Variants in CYP11A1 observed in about 807,000 individuals in gnomAD.
CYP11A1 encodes the protein cytochrome P450 family 11 subfamily A member 1, also known as cholesterol side-chain cleavage enzyme, mitochondrial.
In CYP11A1, 25 loss-of-function variants were observed where a neutral mutation model predicts 51.9. That is an observed-to-expected ratio of 0.48 (90% confidence interval 0.35 to 0.67). The LOEUF (loss-of-function observed/expected upper bound fraction) is 0.67, where lower values mean the gene tolerates loss of function less well. CYP11A1 is among the 30% of genes least tolerant of loss of function. The pLI is 0.00. For synonymous variants in CYP11A1, 245 were observed against 262.1 expected, an observed-to-expected ratio of 0.93 and a Z score of 0.63; for missense variants, 578 against 680.9, an observed-to-expected ratio of 0.85 and a Z score of 1.68.
chr15:74,357,733 C>G (rs2060687198), intron 1 of CYP11A1, among the ~76,000 whole-genome samples: 1 of 152,214 alleles, frequency 6.6e-6, no homozygotes, highest in Non-Finnish European at 1.5e-5. Context: ...GGCAGCCTTT[C>G]TATCCAAACA....
chr15:74,338,909 T>C (rs555167028), intron 7 of CYP11A1, 141 bp from the exon 8 acceptor site: 5 of 808,234 alleles, frequency 6.2e-6, no homozygotes, highest in Non-Finnish European at 1.0e-5. Flanking sequence ...GGCAGGACAT[T>C]CTGCCCACTG....
At chr15:74,358,672 G>A (rs1443218793) in intron 1 of CYP11A1, among the ~76,000 whole-genome samples, 1 of 152,214 alleles carries the variant, frequency 6.6e-6, no homozygotes, top group Non-Finnish European at 1.5e-5. Flanking sequence ...ACGTTCACCG[G>A]TTGGGTAGAG....
At position 74,363,835 on chromosome 15, in the gene CYP11A1, C is replaced by T. The variant is rs2060719552; in HGVS notation, c.269+3482G>A. On this transcript the variant is annotated intron_variant, in intron 1 of 8. Transcript: ENST00000268053. ...CCCTAGGTTTTGGTCACACTCTCACCTAAGTGAAAACCTGATCAAAAAGGG... is the reference window on the plus strand; with the variant it reads ...CCCTAGGTTTTGGTCACACTCTCACTTAAGTGAAAACCTGATCAAAAAGGG... 2.0e-5 allele frequency: 3 copies of T among 152,144 alleles called. No homozygotes were observed. The South Asian group carries it at 6.2e-4, about 32-fold the overall frequency. 9.4% of individuals were successfully genotyped at this position (152,144 alleles called of 1,614,324 possible).
chr15:74,365,666 GGAA>G, intron 1 of CYP11A1: 1 of 985,270 alleles, frequency 1.0e-6, no homozygotes, highest in Non-Finnish European at 1.2e-6. Context: ...TCCCAGGCCT[GGAA>G]GAAGATCAGA....
chr15:74,344,883 T>C (rs1270977433), intron 3 of CYP11A1, 161 bp downstream of exon 3: 19 of 749,670 alleles, frequency 2.5e-5, no homozygotes, highest in Non-Finnish European at 4.4e-5. Context: ...TGGTCTTAAA[T>C]TGCCTCTGAG....
intron 1 of CYP11A1, among the ~76,000 whole-genome samples, chr15:74,366,454 TTTTTA>T (rs1318375890): frequency 2.0e-4 from 23 of 114,598 alleles, no homozygotes; most frequent in Admixed American, 1.7e-3. Flanking sequence ...CGGCTAATTT[TTTTTA>T]TTTTATTTAT....
chr15:74,345,289 G>A lies in CYP11A1; in HGVS notation c.426-46C>T. ...AAGCCCTCATGGTCACAGACCCCAG[G>A]CCTGGTGAACACAGAGGGGGCTGAC... On this transcript the variant is annotated intron_variant, in intron 2 of 8. Transcript: ENST00000268053. This position sits in a 1 kb window ranked among gnomAD's most constrained non-coding sequence, Gnocchi z 4.3. 1 of 1,607,248 alleles carries A rather than the reference G, an allele frequency of 6.2e-7. No individual in the cohort carries two copies. Among genetic ancestry groups the A allele is most frequent in the Non-Finnish European group, 8.5e-7 (1 of 1,173,956 alleles).
At chr15:74,342,885 G>T in intron 5 of CYP11A1, 92 bp downstream of exon 5, 2 of 1,369,862 alleles carry the variant, frequency 1.5e-6, no homozygotes, top group South Asian at 1.2e-5. Flanking sequence ...GGAACGCCTT[G>T]AACAACAGGG....
chr15:74,352,515 T>C (rs2060660843), intron 1 of CYP11A1, among the ~76,000 whole-genome samples: 1 of 152,168 alleles, frequency 6.6e-6, no homozygotes, highest in African/African-American at 2.4e-5. Flanking sequence ...GTGATCTGCC[T>C]GCCTCAGCCT....
At chr15:74,348,408 C>T (rs902132477) in intron 1 of CYP11A1, among the ~76,000 whole-genome samples, 3 of 152,202 alleles carry the variant, frequency 2.0e-5, no homozygotes, top group Non-Finnish European at 4.4e-5. Flanking sequence ...CCACTCCTTG[C>T]GCATTCTTCC....
At chr15:74,338,511 G>T in intron 8 of CYP11A1, 60 bp downstream of exon 8, 2 of 1,525,848 alleles carry the variant, frequency 1.3e-6, no homozygotes, top group Non-Finnish European at 1.8e-6. Context: ...GAGGAAGATT[G>T]GTGCCTTCAT....
chr15:74,340,631 A>G (rs1243995647), intron 5 of CYP11A1, among the ~76,000 whole-genome samples: 3 of 152,210 alleles, frequency 2.0e-5, no homozygotes, highest in African/African-American at 7.2e-5. Context: ...AGCTGTTTAC[A>G]TATGTTACCT....
At chr15:74,361,949 G>A in intron 1 of CYP11A1, 1 of 1,175,274 alleles carries the variant, frequency 8.5e-7, no homozygotes, top group South Asian at 1.2e-5. Flanking sequence ...CAAGGTGAAA[G>A]AAGGCATGAA....
chr15:74,344,294 C>T (rs1399178549), intron 3 of CYP11A1, among the ~76,000 whole-genome samples: 3 of 152,040 alleles, frequency 2.0e-5, no homozygotes, highest in South Asian at 4.2e-4. Context: ...ACTGCTCTGC[C>T]CAGGCTTCCA....
Position 74,338,067 on chromosome 15 carries a change from T to G in CYP11A1, c.1471A>C (p.Ser491Arg), listed in dbSNP as rs2091197093. Residue 491 changes from serine to arginine, a missense_variant, in exon 9 of 9, where the codon AGC becomes CGC. By Grantham distance (110) the Ser-to-Arg change is moderately radical (BLOSUM62 -1). Coordinates refer to ENST00000268053, the MANE Select transcript of CYP11A1 (RefSeq NM_000781.3). ...ENFRVEIQHL[S>R]DVGTTFNLIL... Reference sequence around the variant, plus strand: ...AGGTTGAATGTGGTGCCCACATCGCTGAGGTGTTGGATTTCAACTCTGAAG... The same window carrying G: ...AGGTTGAATGTGGTGCCCACATCGCGGAGGTGTTGGATTTCAACTCTGAAG... The G allele has an allele frequency of 1.2e-6, 2 of 1,614,034 alleles. No homozygotes were observed. Among genetic ancestry groups the G allele is most frequent in the Non-Finnish European group, 1.7e-6 (2 of 1,180,004 alleles).
rs1484714705 is a variant in CYP11A1 at position 74,353,230 on chromosome 15, GT to G, written c.270-5176del. Among the ~76,000 whole-genome samples, 3 of 152,308 alleles carry G rather than the reference GT, an allele frequency of 2.0e-5. No homozygotes were observed. In the East Asian group the frequency reaches 5.8e-4, roughly 29 times the overall value. On this transcript the variant is annotated intron_variant, in intron 1 of 8. Coordinates refer to ENST00000268053, the MANE Select transcript of CYP11A1 (RefSeq NM_000781.3). ...AAAAGGTTATTTATGAAACAATGTA[GT>G]AAGGAACCATTAAGTAGGGGAGAAA... is the stretch of plus-strand genomic sequence containing the variant.
At chr15:74,354,087 C>T (rs1457084837) in intron 1 of CYP11A1, among the ~76,000 whole-genome samples, 1 of 152,120 alleles carries the variant, frequency 6.6e-6, no homozygotes, top group Admixed American at 6.5e-5. Flanking sequence ...TAATTCATTG[C>T]AATGTGTTTG....
At chr15:74,352,292 CAG>C (rs2060659965) in intron 1 of CYP11A1, among the ~76,000 whole-genome samples, 1 of 105,110 alleles carries the variant, frequency 9.5e-6, no homozygotes, top group Non-Finnish European at 1.8e-5. Context: ...TTTTTTGAGA[CAG>C]AGTCTCACTC....
intron 1 of CYP11A1, among the ~76,000 whole-genome samples, chr15:74,349,408 C>T (rs1298393467): frequency 6.6e-6 from 1 of 152,124 alleles, no homozygotes; most frequent in Non-Finnish European, 1.5e-5. Flanking sequence ...CTCTCTCTCT[C>T]CTCTCATAGT....
Sources: gnomAD v4.1 joint callset for allele counts (sites outside exome capture counted in the v4.1 genomes callset) on GRCh38, gnomAD v4.1.1 for gene constraint, Gnocchi (gnomAD v3.1) non-coding constraint, MANE v1.5 for transcripts, NCBI Gene and HGNC (gene_info 2026-07-23, HGNC 2026-07-21) for gene names.